Variants in SLC24A2 observed in about 807,000 individuals in gnomAD.
The protein encoded by SLC24A2 is solute carrier family 24 member 2.
SLC24A2 carries 36 observed loss-of-function variants against 62.0 expected under a neutral mutation model. That is an observed-to-expected ratio of 0.58 (90% CI 0.44 to 0.77). The LOEUF is 0.77. SLC24A2 is among the 30% of genes least tolerant of loss of function. The pLI, the probability that SLC24A2 is intolerant of heterozygous loss-of-function variation, is 0.00. For synonymous variants in SLC24A2, 358 were observed against 294.0 expected, an observed-to-expected ratio of 1.22 and a Z score of -2.23; for missense variants, 846 against 817.9, an observed-to-expected ratio of 1.03 and a Z score of -0.42.
At chr9:20,129,683 C>A in the SLC24A2 span, among the ~76,000 whole-genome samples, 2 of 151,890 alleles carry the variant, frequency 1.3e-5, no homozygotes, top group Non-Finnish European at 2.9e-5. Flanking sequence ...AAAAAAAGAC[C>A]ACAAGTTTTG....
chr9:20,028,508 C>A, the SLC24A2 span, among the ~76,000 whole-genome samples: 1 of 152,172 alleles, frequency 6.6e-6, no homozygotes, highest in Non-Finnish European at 1.5e-5. Context: ...TCTCATCAGT[C>A]CTGCCTGCTC....
chr9:20,271,975 A>G, the SLC24A2 span, among the ~76,000 whole-genome samples: 3 of 137,628 alleles, frequency 2.2e-5, no homozygotes, highest in African/African-American at 8.3e-5. Flanking sequence ...CTGGAGGGGG[A>G]AAGGTTAAAC....
intron 2 of SLC24A2, among the ~76,000 whole-genome samples, chr9:19,718,458 ATT>A (rs58736549): frequency 0.21 from 20,825 of 98,210 alleles, 1,300 homozygotes; most frequent in African/African-American, 0.25. Flanking sequence ...ATGCCTGGCT[ATT>A]TTTTTTTTTT....
intron 2 of SLC24A2, among the ~76,000 whole-genome samples, chr9:19,730,210 A>G (rs1821294501): frequency 6.6e-6 from 1 of 152,190 alleles, no homozygotes; most frequent in South Asian, 2.1e-4. Context: ...CCTTTAATGT[A>G]GAATGAGTCT....
chr9:20,100,129 C>G, the SLC24A2 span, among the ~76,000 whole-genome samples: 1 of 152,130 alleles, frequency 6.6e-6, no homozygotes, highest in Admixed American at 6.5e-5. Flanking sequence ...CCCACGTCAG[C>G]TTCCCTGCCA....
At chr9:19,943,434 A>C in the SLC24A2 span, among the ~76,000 whole-genome samples, 1 of 151,988 alleles carries the variant, frequency 6.6e-6, no homozygotes, top group African/African-American at 2.4e-5. Flanking sequence ...AGAACTATTT[A>C]TTTTCATTAT....
At chr9:19,720,334 C>A (rs576458408) in intron 2 of SLC24A2, among the ~76,000 whole-genome samples, 2 of 152,282 alleles carry the variant, frequency 1.3e-5, no homozygotes, top group African/African-American at 4.8e-5. Context: ...CCACACTGAT[C>A]TGGGGCTTTG....
At chr9:19,732,056 A>C (rs1442770339) in intron 2 of SLC24A2, among the ~76,000 whole-genome samples, 2 of 152,064 alleles carry the variant, frequency 1.3e-5, no homozygotes, top group African/African-American at 4.8e-5. Context: ...AATGATACCT[A>C]TTGCTGTGTT....
At chr9:20,260,428 T>C in the SLC24A2 span, among the ~76,000 whole-genome samples, 16 of 152,064 alleles carry the variant, frequency 1.1e-4, 2 homozygotes, top group Admixed American at 1.0e-3. Context: ...TAATGGGAAA[T>C]AATAACTTTT....
chr9:20,072,611 GA>G, the SLC24A2 span, among the ~76,000 whole-genome samples: 2 of 151,930 alleles, frequency 1.3e-5, no homozygotes, highest in Non-Finnish European at 2.9e-5. Context: ...CAGATATCTT[GA>G]GATGGGAAGA....
At position 19,521,072 on chromosome 9, in the gene SLC24A2, G is replaced by C; in HGVS notation, c.1570-12C>G. 1.9e-6 allele frequency: 3 copies of C among 1,613,524 alleles called. No individual in the cohort carries two copies. The highest frequency in any genetic ancestry group is 2.2e-5 in the South Asian group (2 of 91,030). On this transcript the variant is annotated splice_polypyrimidine_tract_variant and intron_variant, in intron 9 of 10. Coordinates refer to ENST00000341998, the MANE Select transcript of SLC24A2 (RefSeq NM_020344.4). ...ATTGTCTCTCCAACCTAAATGTCAG[G>C]ACAGGAATAAACATCTCAGTGTTTG...
At chr9:19,993,646 A>G in the SLC24A2 span, among the ~76,000 whole-genome samples, 1 of 152,182 alleles carries the variant, frequency 6.6e-6, no homozygotes, top group African/African-American at 2.4e-5. Context: ...TCCTCCGTGA[A>G]GCTAAACCTG....
chr9:19,729,420 A>G (rs1821269832), intron 2 of SLC24A2, among the ~76,000 whole-genome samples: 2 of 152,228 alleles, frequency 1.3e-5, no homozygotes, highest in Non-Finnish European at 2.9e-5. Flanking sequence ...TCTGCACTCC[A>G]TATTTATTGC....
chr9:19,954,552 A>G, the SLC24A2 span, among the ~76,000 whole-genome samples: 11 of 152,090 alleles, frequency 7.2e-5, no homozygotes, highest in African/African-American at 2.7e-4. Flanking sequence ...TAGTGGGACT[A>G]TGCATGTATT....
intron 2 of SLC24A2, among the ~76,000 whole-genome samples, chr9:19,780,578 A>C (rs1427318995): frequency 6.6e-6 from 1 of 151,480 alleles, no homozygotes; most frequent in Non-Finnish European, 1.5e-5. Context: ...ACAGGTTAAA[A>C]TTTCTAAGGC....
chr9:20,135,681 CAT>C, the SLC24A2 span, among the ~76,000 whole-genome samples: 1 of 152,030 alleles, frequency 6.6e-6, no homozygotes, highest in Non-Finnish European at 1.5e-5. Context: ...AATCTATAAA[CAT>C]GTGAATGAGG....
At position 19,507,527 on chromosome 9, in the gene SLC24A2, A is replaced by G. The variant is rs79642378; in HGVS notation, c.*8626T>C. ...ACTTAGTTACATAAAGTGATATTCTATGAATTGATTATCAGTAGTAGAAGC... is the reference window on the plus strand; with the variant it reads ...ACTTAGTTACATAAAGTGATATTCTGTGAATTGATTATCAGTAGTAGAAGC... On this transcript the variant is annotated 3_prime_UTR_variant, in exon 11 of 11. Transcript: ENST00000341998. 1.3e-5 allele frequency: 2 copies of G among 152,340 alleles called. No homozygotes were observed. The highest frequency in any genetic ancestry group is 1.9e-4 in the East Asian group (1 of 5,190). 9.4% of individuals were successfully genotyped at this position (152,340 alleles called of 1,614,324 possible).
chr9:19,689,950 T>C (rs1819995165), intron 2 of SLC24A2, among the ~76,000 whole-genome samples: 2 of 152,094 alleles, frequency 1.3e-5, no homozygotes, highest in African/African-American at 2.4e-5. Context: ...ACTGAGTGCC[T>C]GAACAGAATA....
At chr9:20,038,032 C>T in the SLC24A2 span, among the ~76,000 whole-genome samples, 2 of 152,186 alleles carry the variant, frequency 1.3e-5, no homozygotes, top group Non-Finnish European at 1.5e-5. Context: ...GCTTATTCTC[C>T]ATTATCTGAG....
Sources: allele counts gnomAD v4.1 joint callset (sites outside exome capture counted in the v4.1 genomes callset), GRCh38; gene constraint gnomAD v4.1.1; transcripts MANE v1.5; gene names NCBI Gene and HGNC (gene_info 2026-07-23, HGNC 2026-07-21).